MYO1D: variants seen among roughly 807,000 people sequenced by gnomAD.
MYO1D encodes unconventional myosin-Id.
A neutral mutation model predicts 122.0 loss-of-function variants in MYO1D; 83 were observed. That is an observed-to-expected ratio of 0.68 (90% CI 0.57 to 0.82). The LOEUF (loss-of-function observed/expected upper bound fraction) is 0.82, where lower values mean the gene tolerates loss of function less well. Among genes scored for constraint, MYO1D ranks in the 40% least tolerant of loss-of-function variants. The pLI is 0.00. For missense variants in MYO1D, 1,157 were observed against 1,269.5 expected (o/e 0.91, Z 1.35); for synonymous variants, 464 against 446.9 (o/e 1.04, Z -0.48).
intron 7 of MYO1D, among the ~76,000 whole-genome samples, chr17:32,766,066 G>A (rs930743817): frequency 3.9e-4 from 59 of 151,990 alleles, no homozygotes; most frequent in African/African-American, 1.3e-3. Context: ...TGTATTTTTT[G>A]TATAGATGGG....
intron 16 of MYO1D, among the ~76,000 whole-genome samples, chr17:32,675,451 TC>T (rs1347020372): frequency 6.6e-6 from 1 of 152,158 alleles, no homozygotes; most frequent in Non-Finnish European, 1.5e-5. Flanking sequence ...ATCTATTTCT[TC>T]CTAAATGTTT....
rs143448106 is a variant in MYO1D, at chr17:32,654,549, G to A, written c.2418C>T (p.Ala806=). 5.3e-4 allele frequency: 850 copies of A among 1,614,100 alleles called. 8 individuals carry two copies. The highest frequency in any genetic ancestry group is 3.8e-3 in the South Asian group (350 of 91,062). Reference sequence around the variant, plus strand: ...CCCTTTGACCCTTCAACATTTCCACGGCTGCAACCTTTGCCCTGACCTGGG... The same window carrying A: ...CCCTTTGACCCTTCAACATTTCCACAGCTGCAACCTTTGCCCTGACCTGGG... ...DLPQVRAKVA[A]VEMLKGQRAD... The change falls in exon 18 of 22, where the codon GCC becomes GCT. Residue 806 remains alanine, a synonymous_variant. Transcript: ENST00000318217.
chr17:32,649,567 CTTTTTTTTTTTT>C (rs35514290), intron 19 of MYO1D, among the ~76,000 whole-genome samples: 15 of 94,048 alleles, frequency 1.6e-4, no homozygotes, highest in Admixed American at 3.5e-4. Flanking sequence ...TTCTTTCTTT[CTTTTTTTTTTTT>C]TTTTTTTTTT....
intron 21 of MYO1D, among the ~76,000 whole-genome samples, chr17:32,600,574 G>A (rs1455591775): frequency 2.0e-5 from 3 of 152,210 alleles, no homozygotes; most frequent in Non-Finnish European, 4.4e-5. Flanking sequence ...TTATGGAGAT[G>A]TCTTCTTTTC....
intron 21 of MYO1D, among the ~76,000 whole-genome samples, chr17:32,533,708 T>C (rs1307394778): frequency 6.6e-6 from 1 of 152,120 alleles, no homozygotes; most frequent in Non-Finnish European, 1.5e-5. Context: ...TACTCCACTG[T>C]TTTCAGTTCC....
chr17:32,547,415 G>C (rs2086972695), intron 21 of MYO1D, among the ~76,000 whole-genome samples: 1 of 152,206 alleles, frequency 6.6e-6, no homozygotes, highest in African/African-American at 2.4e-5. Context: ...TACAGCTAAG[G>C]AATGTGAGGC....
At chr17:32,842,522 G>A (rs1333957350) in intron 1 of MYO1D, among the ~76,000 whole-genome samples, 1 of 151,912 alleles carries the variant, frequency 6.6e-6, no homozygotes, top group East Asian at 1.9e-4. Context: ...GCTCTCTTTC[G>A]CTCTCTTTCT....
chr17:32,846,757 A>T (rs1423278858), intron 1 of MYO1D, among the ~76,000 whole-genome samples: 1 of 152,196 alleles, frequency 6.6e-6, no homozygotes, highest in African/African-American at 2.4e-5. Flanking sequence ...AGGCAGGAAG[A>T]CTGCTTGAGG....
At chr17:32,840,301 G>A (rs549634617) in intron 1 of MYO1D, among the ~76,000 whole-genome samples, 8 of 152,340 alleles carry the variant, frequency 5.3e-5, no homozygotes, top group Non-Finnish European at 1.2e-4. Context: ...TACGACCCAA[G>A]GGTTAGGACC....
intron 1 of MYO1D, among the ~76,000 whole-genome samples, chr17:32,791,605 T>C (rs1472734833): frequency 1.3e-5 from 2 of 151,918 alleles, no homozygotes; most frequent in Non-Finnish European, 2.9e-5. Context: ...CATACATATA[T>C]AAAAATATAC....
chr17:32,849,084 T>A lies in MYO1D; in HGVS notation c.95+27694A>T, dbSNP rs1598153430. 2.6e-5 allele frequency among the ~76,000 whole-genome samples: 4 copies of A among 152,082 alleles called. No individual in the cohort carries two copies. The East Asian group carries it at 7.7e-4, about 29-fold the overall frequency. ...AAAAAATGCTCATCATCACTGGCCA[T>A]CAGAGAAATGCAAATCAAAACCACT... On this transcript the variant is annotated intron_variant, in intron 1 of 21. Coordinates refer to ENST00000318217, the MANE Select transcript of MYO1D (RefSeq NM_015194.3).
At chr17:32,819,055 C>T (rs1252043908) in intron 1 of MYO1D, among the ~76,000 whole-genome samples, 4 of 152,064 alleles carry the variant, frequency 2.6e-5, no homozygotes, top group East Asian at 1.9e-4. Context: ...AGTTAGCAGC[C>T]GCTGAAAAGT....
chr17:32,631,860 A>G (rs1359420775), intron 20 of MYO1D, among the ~76,000 whole-genome samples: 1 of 152,194 alleles, frequency 6.6e-6, no homozygotes, highest in African/African-American at 2.4e-5. Context: ...ATAAGGCCTT[A>G]GTGAATATAG....
At chr17:32,505,871 C>T (rs921895741) in intron 21 of MYO1D, among the ~76,000 whole-genome samples, 4 of 152,186 alleles carry the variant, frequency 2.6e-5, no homozygotes, top group Non-Finnish European at 5.9e-5. Flanking sequence ...AAAAAACCGT[C>T]CACCTAGAAT....
chr17:32,762,558 T>C (rs182206908), intron 8 of MYO1D, among the ~76,000 whole-genome samples: 1 of 152,186 alleles, frequency 6.6e-6, no homozygotes, highest in Admixed American at 6.5e-5. Flanking sequence ...TTCTCCATAC[T>C]AAGGCCAGAG....
chr17:32,692,714 T>G (rs1160015086), intron 16 of MYO1D, among the ~76,000 whole-genome samples: 1 of 152,104 alleles, frequency 6.6e-6, no homozygotes, highest in Non-Finnish European at 1.5e-5. Context: ...GGCAGGGTGG[T>G]AGGAAGGAAA....
intron 21 of MYO1D, among the ~76,000 whole-genome samples, chr17:32,596,298 C>T (rs1471853082): frequency 6.6e-6 from 1 of 152,172 alleles, no homozygotes; most frequent in Non-Finnish European, 1.5e-5. Flanking sequence ...GCCATGGAAA[C>T]GGGTATTCAG....
At chr17:32,732,286 TG>T (rs1422323508) in intron 14 of MYO1D, among the ~76,000 whole-genome samples, 1 of 152,190 alleles carries the variant, frequency 6.6e-6, no homozygotes, top group Non-Finnish European at 1.5e-5. Context: ...ATCCCACCTT[TG>T]GGCCAGGCTG....
chr17:32,849,732 G>A (rs1248315257), intron 1 of MYO1D, among the ~76,000 whole-genome samples: 2 of 152,086 alleles, frequency 1.3e-5, no homozygotes, highest in Non-Finnish European at 2.9e-5. Context: ...GTTAGTGGGT[G>A]CAGCACGCCA....
Sources: allele counts gnomAD v4.1 joint callset (sites outside exome capture counted in the v4.1 genomes callset), GRCh38; gene constraint gnomAD v4.1.1; transcripts MANE v1.5; gene names NCBI Gene and HGNC (gene_info 2026-07-23, HGNC 2026-07-21).